Variants in ANAPC1 observed in about 807,000 individuals in gnomAD.
ANAPC1 encodes the protein anaphase-promoting complex subunit 1.
Under a neutral mutation model 208.0 loss-of-function variants are expected in ANAPC1, and 36 were observed. The observed-to-expected ratio is 0.17, with a 90% confidence interval of 0.13 to 0.23. The LOEUF (loss-of-function observed/expected upper bound fraction) is 0.23. Among genes scored for constraint, ANAPC1 ranks in the 10% least tolerant of loss-of-function variants. ANAPC1 has a pLI of 1.00. For missense variants in ANAPC1, 942 were observed against 2,011.6 expected, an observed-to-expected ratio of 0.47 and a Z score of 10.17; for synonymous variants, 378 against 695.2, an observed-to-expected ratio of 0.54 and a Z score of 7.18.
chr2:111,766,742 A>T, downstream of ANAPC1: 1 of 334,134 alleles, frequency 3.0e-6, no homozygotes, highest in South Asian at 2.4e-5. Flanking sequence ...ATCTGCCCAC[A>T]GGCACCCTGG....
At position 111,880,740 on chromosome 2, in the gene ANAPC1, T is replaced by C. The variant is rs557261994; in HGVS notation, c.86A>G (p.Lys29Arg). 36 of 1,613,944 alleles carry C rather than the reference T, an allele frequency of 2.2e-5. No homozygotes were observed. Among genetic ancestry groups the C allele is most frequent in the African/African-American group, 2.1e-4 (16 of 75,032 alleles). ...EFVPFGRDHC[K>R]HHPNALNLQL... Reference sequence around the variant, plus strand: ...AAGGTTCAAAGCATTAGGGTGGTGCTTGCAGTGGTCTCGACCAAAAGGAAC... The same window carrying C: ...AAGGTTCAAAGCATTAGGGTGGTGCCTGCAGTGGTCTCGACCAAAAGGAAC... The change falls in exon 2 of 48, where the codon AAG (lysine) becomes AGG (arginine). Residue 29 changes from lysine to arginine, a missense_variant. Physicochemically the swap from Lys to Arg is conservative, Grantham distance 26. Transcript: ENST00000341068.
chr2:111,871,036 A>G (rs1298882833), intron 6 of ANAPC1, among the ~76,000 whole-genome samples: 4 of 152,126 alleles, frequency 2.6e-5, no homozygotes, highest in Non-Finnish European at 4.4e-5. Flanking sequence ...TGGTTTCCCT[A>G]TTCTGTTCCA....
intron 38 of ANAPC1, 96 bp from the exon 39 acceptor site, chr2:111,788,416 A>G (rs1296199247): frequency 5.3e-6 from 8 of 1,512,654 alleles, no homozygotes; most frequent in Non-Finnish European, 7.2e-6. Flanking sequence ...TATAATAGTA[A>G]GGCATACTGA....
intron 28 of ANAPC1, among the ~76,000 whole-genome samples, chr2:111,810,882 C>CAAAA (rs1162540899): frequency 1.2e-3 from 83 of 71,684 alleles, no homozygotes; most frequent in African/African-American, 1.8e-3. Flanking sequence ...GACTCCACAT[C>CAAAA]AAAAAAAAAA....
At chr2:111,850,233 T>C (rs948775335) in intron 14 of ANAPC1, among the ~76,000 whole-genome samples, 1 of 149,828 alleles carries the variant, frequency 6.7e-6, no homozygotes, top group African/African-American at 2.4e-5. Flanking sequence ...GAGATGAAGA[T>C]ACAAATATCC....
chr2:111,867,297 G>C (rs1315358741), intron 7 of ANAPC1, among the ~76,000 whole-genome samples: 1 of 146,874 alleles, frequency 6.8e-6, no homozygotes, highest in Non-Finnish European at 1.5e-5. Context: ...TCTTAAAAAA[G>C]AAAGAAAAAA....
chr2:111,792,657 TA>T (rs1377308285), intron 37 of ANAPC1, 102 bp from the exon 38 acceptor site: 465 of 903,734 alleles, frequency 5.1e-4, no homozygotes, highest in Non-Finnish European at 6.0e-4. Flanking sequence ...GTTTGTAACT[TA>T]AAAAAAAATC....
intron 38 of ANAPC1, among the ~76,000 whole-genome samples, chr2:111,791,009 T>C (rs184306470): frequency 2.9e-3 from 447 of 152,366 alleles, no homozygotes; most frequent in African/African-American, 0.01. Flanking sequence ...AGTGTGAATA[T>C]AATTAACACT....
At chr2:111,843,820 C>CTGTTTT (rs1680902442) in intron 16 of ANAPC1, among the ~76,000 whole-genome samples, 1 of 86,828 alleles carries the variant, frequency 1.2e-5, no homozygotes, top group African/African-American at 4.6e-5. Flanking sequence ...CTGAAGACAG[C>CTGTTTT]TTTTTTTTTT....
intron 3 of ANAPC1, among the ~76,000 whole-genome samples, chr2:111,874,497 G>A (rs1381412978): frequency 1.4e-5 from 2 of 138,076 alleles, no homozygotes; most frequent in Non-Finnish European, 3.1e-5. Context: ...CCTGTGCTAG[G>A]TATCTCATGT....
rs368949293 is a variant in ANAPC1, at chr2:111,788,287, G to A, written c.4746C>T (p.Ala1582=). ...GCGGATAAAGGGCACAGAGAAGAGC[G>A]GCAATGGAAGAATTTGATGTGCTCA... The part of the protein sequence containing the change: ...YSLSTSNSSI[A]ALLCALYPHF... Residue 1582 remains alanine, a synonymous_variant, in exon 39 of 48, where the codon GCC becomes GCT. Coordinates refer to ENST00000341068, the MANE Select transcript of ANAPC1 (RefSeq NM_022662.4). 169 of 1,613,686 alleles carry A rather than the reference G, an allele frequency of 1.0e-4. No individual in the cohort carries two copies. Among genetic ancestry groups the A allele is most frequent in the Admixed American group, 8.0e-4 (48 of 59,994 alleles).
Position 111,863,824 on chromosome 2 carries a change from G to A in ANAPC1, c.903C>T (p.Leu301=). 1 of 1,613,856 alleles carries A rather than the reference G, an allele frequency of 6.2e-7. No individual in the cohort carries two copies. The highest frequency in any genetic ancestry group is 8.5e-7 in the Non-Finnish European group (1 of 1,179,866). The part of the protein sequence containing the change: ...TPQNVATSSS[L]TAHLRSLSKG... The stretch of plus-strand genomic sequence containing the variant: ...TGGAGAGGCTTCTGAGATGTGCTGT[G>A]AGGGAGCTGCTAGTGGCCACATTCT... The change falls in exon 9 of 48, where the codon CTC becomes CTT. Residue 301 remains leucine, a synonymous_variant. Coordinates refer to ENST00000341068, the MANE Select transcript of ANAPC1 (RefSeq NM_022662.4).
intron 28 of ANAPC1, among the ~76,000 whole-genome samples, chr2:111,810,286 G>GGAAGTGAAGT (rs1246270969): frequency 1.4e-5 from 2 of 145,616 alleles, no homozygotes; most frequent in Non-Finnish European, 3.1e-5. Context: ...GTGGTTGGCA[G>GGAAGTGAAGT]GAAGTGAAGT....
chr2:111,857,968 T>TTA (rs4019130), intron 11 of ANAPC1, among the ~76,000 whole-genome samples: 90,485 of 150,764 alleles, frequency 0.6, 27,573 homozygotes, highest in South Asian at 0.69. Context: ...TGTACATACA[T>TTA]TATATATATA....
chr2:111,819,197 A>G (rs1355550893), intron 26 of ANAPC1: 1 of 984,802 alleles, frequency 1.0e-6, no homozygotes, highest in African/African-American at 1.8e-5. Flanking sequence ...TTTACATTGA[A>G]TGAAAACCAC....
chr2:111,845,032 G>C (rs559779650), intron 16 of ANAPC1, among the ~76,000 whole-genome samples: 1 of 152,112 alleles, frequency 6.6e-6, no homozygotes. Flanking sequence ...TCTTTTTGTA[G>C]AGACAGAGTC....
intron 39 of ANAPC1, among the ~76,000 whole-genome samples, chr2:111,786,397 G>GA (rs1677547784): frequency 3.6e-5 from 4 of 111,858 alleles, no homozygotes; most frequent in African/African-American, 1.1e-4. Flanking sequence ...CATCTCAGAA[G>GA]AAAAAACAAA....
At chr2:111,836,967 CAA>C (rs35164122) in intron 18 of ANAPC1, among the ~76,000 whole-genome samples, 4 of 135,302 alleles carry the variant, frequency 3.0e-5, no homozygotes, top group Admixed American at 7.4e-5. Context: ...GACTCCGTCT[CAA>C]AAAAAAAAAA....
chr2:111,836,859 T>C (rs978033389), intron 18 of ANAPC1, among the ~76,000 whole-genome samples: 4 of 150,658 alleles, frequency 2.7e-5, no homozygotes, highest in African/African-American at 9.8e-5. Context: ...TTCTAGCTAC[T>C]GGGGAGGCTG....
Sources: allele counts gnomAD v4.1 joint callset (sites outside exome capture counted in the v4.1 genomes callset), GRCh38; gene constraint gnomAD v4.1.1; transcripts MANE v1.5; gene names NCBI Gene and HGNC (gene_info 2026-07-23, HGNC 2026-07-21).